The following NKAIN2 variants were observed in gnomAD, a reference collection of about 807,000 sequenced individuals.
The protein encoded by NKAIN2 is sodium/potassium transporting ATPase interacting 2.
NKAIN2 carries 14 observed loss-of-function variants against 32.6 expected under a neutral mutation model. The ratio of observed to expected loss-of-function variants is 0.43; its 90% CI spans 0.28 to 0.67. The LOEUF (loss-of-function observed/expected upper bound fraction) is 0.67. NKAIN2 is among the 30% of genes least tolerant of loss of function. NKAIN2 has a pLI of 0.17. For synonymous variants in NKAIN2, 80 were observed against 87.2 expected (o/e 0.92, Z 0.46); for missense variants, 198 against 258.3 (o/e 0.77, Z 1.60).
chr6:124,132,275 T>A (rs1786519707), intron 1 of NKAIN2, among the ~76,000 whole-genome samples: 1 of 151,848 alleles, frequency 6.6e-6, no homozygotes, highest in Admixed American at 6.6e-5. Context: ...CCAAGGAGAG[T>A]CTGAGCTCAG....
chr6:124,717,690 A>G (rs1374932172), intron 4 of NKAIN2, among the ~76,000 whole-genome samples: 1 of 152,162 alleles, frequency 6.6e-6, no homozygotes, highest in Non-Finnish European at 1.5e-5. Flanking sequence ...AAGGAATAAC[A>G]CTAGTTCAGC....
At chr6:124,650,908 A>G (rs1159051116) in intron 3 of NKAIN2, among the ~76,000 whole-genome samples, 1 of 152,216 alleles carries the variant, frequency 6.6e-6, no homozygotes, top group Admixed American at 6.5e-5. Flanking sequence ...TAAATCAGAT[A>G]TGGATGAGAC....
intron 1 of NKAIN2, among the ~76,000 whole-genome samples, chr6:123,929,252 C>G (rs1289459445): frequency 1.3e-5 from 2 of 152,060 alleles, no homozygotes. Flanking sequence ...GATTGATATG[C>G]TCAGTGAAAA....
At chr6:124,294,778 T>C (rs1339532285) in intron 2 of NKAIN2, among the ~76,000 whole-genome samples, 4 of 152,146 alleles carry the variant, frequency 2.6e-5, no homozygotes, top group African/African-American at 7.2e-5. Flanking sequence ...CAGTGGTTTT[T>C]GGAAATGTTG....
At chr6:124,002,372 G>A (rs183355899) in intron 1 of NKAIN2, among the ~76,000 whole-genome samples, 3 of 152,188 alleles carry the variant, frequency 2.0e-5, no homozygotes, top group Admixed American at 2.0e-4. Context: ...TATTCTGGGT[G>A]CTGAATCACT....
chr6:124,533,558 C>A (rs1316084805), intron 3 of NKAIN2, among the ~76,000 whole-genome samples: 3 of 151,712 alleles, frequency 2.0e-5, no homozygotes, highest in Non-Finnish European at 4.4e-5. Flanking sequence ...TCCTCTTCCA[C>A]CTCTCTGTCT....
chr6:124,443,659 T>C (rs1444375354), intron 3 of NKAIN2, among the ~76,000 whole-genome samples: 1 of 152,110 alleles, frequency 6.6e-6, no homozygotes, highest in Non-Finnish European at 1.5e-5. Flanking sequence ...GAGATACTGA[T>C]TTTACTGTCT....
Position 124,255,375 on chromosome 6 carries a change from T to A in NKAIN2, c.55-27630T>A, listed in dbSNP as rs1157778474. 2.0e-5 allele frequency among the ~76,000 whole-genome samples: 3 copies of A among 152,218 alleles called. No individual in the cohort carries two copies. In the East Asian group the frequency reaches 5.8e-4, roughly 29 times the overall value. On this transcript the variant is annotated intron_variant, in intron 1 of 6. Coordinates refer to ENST00000368417, the MANE Select transcript of NKAIN2 (RefSeq NM_001040214.3). ...CTGCTAAGAATAAAAAATACTTATCTAATTTCAAACATTTCTTTGAACAGT... is the reference window on the plus strand; with the variant it reads ...CTGCTAAGAATAAAAAATACTTATCAAATTTCAAACATTTCTTTGAACAGT...
At chr6:123,898,747 A>G (rs956749777) in intron 1 of NKAIN2, among the ~76,000 whole-genome samples, 1 of 152,078 alleles carries the variant, frequency 6.6e-6, no homozygotes. Context: ...TCAATTTACC[A>G]AAGTAAATTC....
intron 1 of NKAIN2, among the ~76,000 whole-genome samples, chr6:123,994,376 C>T (rs924688809): frequency 2.0e-5 from 3 of 152,076 alleles, no homozygotes; most frequent in Admixed American, 6.6e-5. Flanking sequence ...AATTTTCCCT[C>T]TCAATTCTGC....
intron 1 of NKAIN2, among the ~76,000 whole-genome samples, chr6:124,221,479 C>T (rs541703936): frequency 1.8e-4 from 28 of 151,506 alleles, no homozygotes; most frequent in African/African-American, 6.0e-4. Flanking sequence ...GTGGGTGCAG[C>T]GCACCAGCGT....
chr6:123,900,189 A>G (rs1774491526), intron 1 of NKAIN2, among the ~76,000 whole-genome samples: 1 of 152,140 alleles, frequency 6.6e-6, no homozygotes, highest in Non-Finnish European at 1.5e-5. Flanking sequence ...GATGAAAAAC[A>G]GGATGGATGC....
intron 1 of NKAIN2, among the ~76,000 whole-genome samples, chr6:124,261,714 G>C (rs528388085): frequency 1.8e-3 from 281 of 152,188 alleles, no homozygotes; most frequent in African/African-American, 6.7e-3. Context: ...CCAAAAATTA[G>C]CAGGGCATTG....
intron 2 of NKAIN2, among the ~76,000 whole-genome samples, chr6:124,330,154 G>C (rs549222451): frequency 6.6e-6 from 1 of 152,206 alleles, no homozygotes; most frequent in Admixed American, 6.5e-5. Flanking sequence ...AAGAGTTTCA[G>C]TGTTACTGAA....
At chr6:124,172,095 A>T (rs1206069762) in intron 1 of NKAIN2, among the ~76,000 whole-genome samples, 2 of 152,202 alleles carry the variant, frequency 1.3e-5, no homozygotes, top group Admixed American at 6.5e-5. Context: ...TACAGGCGTG[A>T]GCCACTGTGC....
chr6:123,933,814 T>C (rs531014769), intron 1 of NKAIN2, among the ~76,000 whole-genome samples: 26 of 152,340 alleles, frequency 1.7e-4, no homozygotes, highest in African/African-American at 6.3e-4. Flanking sequence ...CCCACTTATT[T>C]TGAGCTCCCT....
intron 3 of NKAIN2, among the ~76,000 whole-genome samples, chr6:124,587,163 C>T (rs1479412241): frequency 6.6e-6 from 1 of 152,040 alleles, no homozygotes; most frequent in Non-Finnish European, 1.5e-5. Context: ...TTATGCCTTA[C>T]TAAAGATGTT....
chr6:124,708,372 T>C (rs1775219603), intron 4 of NKAIN2, among the ~76,000 whole-genome samples: 1 of 151,832 alleles, frequency 6.6e-6, no homozygotes, highest in African/African-American at 2.4e-5. Flanking sequence ...TTTCCAATTC[T>C]GTGAAGAAAG....
At chr6:124,351,508 CAAAA>C (rs397956239) in intron 2 of NKAIN2, among the ~76,000 whole-genome samples, 2 of 109,030 alleles carry the variant, frequency 1.8e-5, no homozygotes, top group South Asian at 3.0e-4. Flanking sequence ...TCAAAAAAAC[CAAAA>C]AAAAAAAAAA....
Sources: gnomAD v4.1 joint callset for allele counts (sites outside exome capture counted in the v4.1 genomes callset) on GRCh38, gnomAD v4.1.1 for gene constraint, MANE v1.5 for transcripts, NCBI Gene and HGNC (gene_info 2026-07-23, HGNC 2026-07-21) for gene names.